The following TTC27 variants were observed in gnomAD, a reference collection of about 807,000 sequenced individuals.
The protein encoded by TTC27 is tetratricopeptide repeat domain 27.
TTC27 carries 79 observed loss-of-function variants against 115.9 expected under a neutral mutation model. The ratio of observed to expected loss-of-function variants is 0.68; its 90% CI spans 0.57 to 0.82. The LOEUF is 0.82. Ranked by LOEUF, TTC27 falls within the 40% of genes least tolerant of loss-of-function variation. The pLI is 0.00. For synonymous variants in TTC27, 401 were observed against 356.0 expected (o/e 1.13, Z -1.42); for missense variants, 1,054 against 993.1 (o/e 1.06, Z -0.82).
intron 9 of TTC27, among the ~76,000 whole-genome samples, chr2:32,688,432 A>T (rs533489866): frequency 6.6e-6 from 1 of 152,166 alleles, no homozygotes; most frequent in Non-Finnish European, 1.5e-5. Context: ...ATTGGACTTT[A>T]TTAACATTAA....
At chr2:32,636,602 C>T (rs2151860936) in intron 3 of TTC27, among the ~76,000 whole-genome samples, 1 of 152,290 alleles carries the variant, frequency 6.6e-6, no homozygotes. Flanking sequence ...GTAAAAGAAT[C>T]TTGTCAGAGA....
intron 12 of TTC27, among the ~76,000 whole-genome samples, chr2:32,743,634 A>G (rs1025508282): frequency 2.0e-5 from 3 of 152,180 alleles, no homozygotes; most frequent in Non-Finnish European, 2.9e-5. Context: ...CACCATCAGG[A>G]TGGGGAACCC....
chr2:32,803,594 TC>T (rs1466655196), intron 16 of TTC27, among the ~76,000 whole-genome samples: 1 of 152,196 alleles, frequency 6.6e-6, no homozygotes, highest in Non-Finnish European at 1.5e-5. Flanking sequence ...TTCTCTTTTT[TC>T]AAGCAAGGTT....
At chr2:32,686,745 A>G (rs1666643571) in intron 9 of TTC27, among the ~76,000 whole-genome samples, 1 of 152,178 alleles carries the variant, frequency 6.6e-6, no homozygotes, top group African/African-American at 2.4e-5. Flanking sequence ...AAAAAATCCA[A>G]CTACCTGGTG....
chr2:32,654,595 A>G (rs939041661), intron 5 of TTC27, among the ~76,000 whole-genome samples: 1 of 151,964 alleles, frequency 6.6e-6, no homozygotes, highest in African/African-American at 2.4e-5. Flanking sequence ...CAGTGATGCG[A>G]TCTAGACTCA....
At chr2:32,740,367 T>A (rs3754832) in intron 12 of TTC27, among the ~76,000 whole-genome samples, 54,738 of 151,882 alleles carry the variant, frequency 0.36, 10,451 homozygotes, top group Non-Finnish European at 0.42. Flanking sequence ...TCTTAAAAAG[T>A]TTTCCTTTAA....
At chr2:32,769,340 TGGATTTGG>T (rs1268885925) in intron 13 of TTC27, among the ~76,000 whole-genome samples, 2 of 152,164 alleles carry the variant, frequency 1.3e-5, no homozygotes, top group Non-Finnish European at 2.9e-5. Context: ...AAGAGGTCAT[TGGATTTGG>T]AGCTCACTGA....
At chr2:32,698,625 G>A (rs1326316141) in intron 9 of TTC27, among the ~76,000 whole-genome samples, 1 of 151,270 alleles carries the variant, frequency 6.6e-6, no homozygotes, top group Non-Finnish European at 1.5e-5. Flanking sequence ...GACTACAGGC[G>A]CCCCCCACCA....
chr2:32,691,568 G>A (rs1281485022), intron 9 of TTC27, among the ~76,000 whole-genome samples: 1 of 151,958 alleles, frequency 6.6e-6, no homozygotes, highest in African/African-American at 2.4e-5. Flanking sequence ...CAAAGTGGGG[G>A]GATTACAGGC....
chr2:32,641,688 T>TC (rs1317291679), intron 4 of TTC27, among the ~76,000 whole-genome samples: 1 of 152,120 alleles, frequency 6.6e-6, no homozygotes, highest in African/African-American at 2.4e-5. Context: ...TTCTTTCTTT[T>TC]TTTTTTCGAG....
chr2:32,727,664 A>G (rs1008627472), intron 10 of TTC27, among the ~76,000 whole-genome samples: 8 of 152,204 alleles, frequency 5.3e-5, no homozygotes, highest in Non-Finnish European at 1.2e-4. Flanking sequence ...CTGAGGATCT[A>G]GCTATCATCT....
intron 4 of TTC27, among the ~76,000 whole-genome samples, chr2:32,648,338 A>T (rs1664947247): frequency 6.6e-6 from 1 of 151,900 alleles, no homozygotes; most frequent in African/African-American, 2.4e-5. Context: ...CATGTTAGCC[A>T]GGCTGCTCTT....
intron 10 of TTC27, among the ~76,000 whole-genome samples, chr2:32,729,166 A>G (rs1668208774): frequency 6.6e-6 from 1 of 152,240 alleles, no homozygotes; most frequent in African/African-American, 2.4e-5. Context: ...GATAGCTTTC[A>G]GGAAAAGGGT....
At chr2:32,659,768 TG>T (rs2151875910) in intron 5 of TTC27, among the ~76,000 whole-genome samples, 1 of 152,258 alleles carries the variant, frequency 6.6e-6, no homozygotes, top group East Asian at 1.9e-4. Flanking sequence ...ATGCAGTGTT[TG>T]GTTTTCTGTT....
chr2:32,673,007 G>T lies in TTC27; in HGVS notation c.1052+623G>T, dbSNP rs75415026. On this transcript the variant is annotated intron_variant, in intron 8 of 19. Coordinates refer to ENST00000317907, the MANE Select transcript of TTC27 (RefSeq NM_017735.5). Reference sequence around the variant, plus strand: ...AGACCCCATTCAAATTTTGCTAGTTGTTCAGATACTCTCTTTTAGAAAAGA... The same window carrying T: ...AGACCCCATTCAAATTTTGCTAGTTTTTCAGATACTCTCTTTTAGAAAAGA... Among the ~76,000 whole-genome samples the T allele has an allele frequency of 3.1e-3, 472 of 152,222 alleles. 8 individuals are homozygous for T. In the East Asian group the frequency reaches 0.042, roughly 14 times the overall value.
intron 18 of TTC27, among the ~76,000 whole-genome samples, chr2:32,814,872 A>T (rs1671445898): frequency 6.6e-6 from 1 of 152,148 alleles, no homozygotes. Flanking sequence ...GCCTCACCAC[A>T]CATTTCTTAC....
In TTC27 at chr2:32,765,906, C is replaced by G. The variant is rs1265667286; in HGVS notation, c.1680+7387C>G. On this transcript the variant is annotated intron_variant, in intron 13 of 19. Coordinates refer to ENST00000317907, the MANE Select transcript of TTC27 (RefSeq NM_017735.5). ...AATTGAAGAGAGTTAGGGCCTAGCT[C>G]TGAATTAGGCTTTGACTGAAGAGAA... Among the ~76,000 whole-genome samples, 10 of 152,302 alleles carry G rather than the reference C, an allele frequency of 6.6e-5. 1 individual carries two copies. The East Asian group carries it at 1.9e-3, about 29-fold the overall frequency.
intron 1 of TTC27, 36 bp downstream of exon 1, chr2:32,628,416 G>C: frequency 6.6e-7 from 1 of 1,519,032 alleles, no homozygotes; most frequent in Non-Finnish European, 8.8e-7. Flanking sequence ...AGGCTATCGT[G>C]GGAACTGTGA....
intron 10 of TTC27, among the ~76,000 whole-genome samples, chr2:32,703,931 C>T (rs967997734): frequency 6.6e-6 from 1 of 152,170 alleles, no homozygotes; most frequent in Admixed American, 6.5e-5. Context: ...CTGGCAGATT[C>T]GGTGTCTGGT....
Sources: gnomAD v4.1 joint callset for allele counts (sites outside exome capture counted in the v4.1 genomes callset) on GRCh38, gnomAD v4.1.1 for gene constraint, MANE v1.5 for transcripts, NCBI Gene and HGNC (gene_info 2026-07-23, HGNC 2026-07-21) for gene names.